Variants in ANO4 observed in about 807,000 individuals in gnomAD.
The protein encoded by ANO4 is anoctamin 4, also known as anoctamin-4.
A neutral mutation model predicts 141.9 loss-of-function variants in ANO4; 69 were observed. The ratio of observed to expected loss-of-function variants is 0.49; its 90% CI spans 0.40 to 0.59. The LOEUF (loss-of-function observed/expected upper bound fraction) is 0.59, where lower values mean the gene tolerates loss of function less well. Among genes scored for constraint, ANO4 ranks in the 20% least tolerant of loss-of-function variants. ANO4 has a pLI of 0.00. For missense variants in ANO4, 894 were observed against 1,162.2 expected, an observed-to-expected ratio of 0.77 and a Z score of 3.36; for synonymous variants, 350 against 394.3, an observed-to-expected ratio of 0.89 and a Z score of 1.33.
intron 1 of ANO4, among the ~76,000 whole-genome samples, chr12:100,847,246 A>G (rs1317995843): frequency 6.6e-6 from 1 of 152,204 alleles, no homozygotes; most frequent in African/African-American, 2.4e-5. Flanking sequence ...GAATGAATAC[A>G]TTTAATAAAC....
chr12:101,080,643 A>G (rs931838318), intron 15 of ANO4, among the ~76,000 whole-genome samples: 6 of 151,628 alleles, frequency 4.0e-5, no homozygotes, highest in African/African-American at 7.3e-5. Flanking sequence ...CCTGGCCAAT[A>G]TGGTGAAACC....
At chr12:100,865,031 T>C (rs150915155) in intron 1 of ANO4, among the ~76,000 whole-genome samples, 2 of 152,334 alleles carry the variant, frequency 1.3e-5, no homozygotes, top group East Asian at 1.9e-4. Context: ...CAGGCTATCA[T>C]TGATGGGCAT....
intron 14 of ANO4, among the ~76,000 whole-genome samples, chr12:101,073,257 T>G (rs1011510635): frequency 2.0e-5 from 3 of 148,476 alleles, no homozygotes; most frequent in African/African-American, 7.6e-5. Context: ...AAAGGATGAG[T>G]TCATGTCCTT....
chr12:101,086,867 G>A, intron 17 of ANO4, 43 bp downstream of exon 17: 1 of 1,596,406 alleles, frequency 6.3e-7, no homozygotes, highest in African/African-American at 1.3e-5. Context: ...CAAAATGTGT[G>A]GGCTGCAAGT....
At chr12:101,038,014 C>CA (rs1555284449) in intron 10 of ANO4, among the ~76,000 whole-genome samples, 1 of 151,718 alleles carries the variant, frequency 6.6e-6, no homozygotes, top group Non-Finnish European at 1.5e-5. Context: ...CCAAAACATA[C>CA]TTTTTTTTGG....
chr12:100,945,752 T>C (rs945878811), intron 5 of ANO4, among the ~76,000 whole-genome samples: 1 of 152,180 alleles, frequency 6.6e-6, no homozygotes, highest in Non-Finnish European at 1.5e-5. Flanking sequence ...ATGTGAAACA[T>C]TGGGGAAGAC....
chr12:100,884,476 T>G (rs2039728485), intron 1 of ANO4, among the ~76,000 whole-genome samples: 1 of 152,164 alleles, frequency 6.6e-6, no homozygotes, highest in African/African-American at 2.4e-5. Context: ...AGGGGCATTT[T>G]TGAGAATATT....
rs137859235 is a variant in ANO4, at chr12:101,015,596, C to T, written c.735-4438C>T. Among the ~76,000 whole-genome samples, 632 of 152,250 alleles carry T rather than the reference C, an allele frequency of 4.2e-3. 8 individuals are homozygous for T. The highest frequency in any genetic ancestry group is 0.013 in the African/African-American group (558 of 41,554). ...TGTTGTACATCTGTCACTTTGCACA[C>T]GGGTAAGTATATTTGTAGAATACAT... On this transcript the variant is annotated intron_variant, in intron 8 of 27. Transcript: ENST00000392977.
At chr12:101,019,143 C>A (rs1198462365) in intron 8 of ANO4, among the ~76,000 whole-genome samples, 1 of 152,102 alleles carries the variant, frequency 6.6e-6, no homozygotes, top group Non-Finnish European at 1.5e-5. Flanking sequence ...TATGCCTTTG[C>A]ATGATGTCCA....
intron 2 of ANO4, among the ~76,000 whole-genome samples, chr12:100,909,717 T>C (rs2041014964): frequency 6.6e-6 from 1 of 152,202 alleles, no homozygotes; most frequent in African/African-American, 2.4e-5. Flanking sequence ...AAGAGCATAA[T>C]GATAGGAACG....
chr12:100,883,863 G>A (rs879279384), intron 1 of ANO4, among the ~76,000 whole-genome samples: 2 of 152,104 alleles, frequency 1.3e-5, no homozygotes, highest in African/African-American at 2.4e-5. Flanking sequence ...AATAAGTAGG[G>A]GGTAAATTAT....
intron 1 of ANO4, among the ~76,000 whole-genome samples, chr12:100,808,616 T>A (rs192638956): frequency 6.5e-4 from 99 of 152,342 alleles, no homozygotes; most frequent in African/African-American, 2.3e-3. Context: ...ACGTATTTTT[T>A]AAAACATTAT....
chr12:100,866,306 A>G (rs183027677), intron 1 of ANO4, among the ~76,000 whole-genome samples: 75 of 152,310 alleles, frequency 4.9e-4, no homozygotes, highest in Admixed American at 2.2e-3. Flanking sequence ...TAAAGGAATA[A>G]TGGAAGGCAT....
chr12:100,747,838 A>G (rs2032182773), intron 3 of ANO4, among the ~76,000 whole-genome samples: 1 of 152,270 alleles, frequency 6.6e-6, no homozygotes, highest in South Asian at 2.1e-4. Flanking sequence ...GCACCACTGC[A>G]CTCCAGCCTG....
upstream of ANO4, chr12:100,717,392 G>C (rs2030644433): frequency 2.8e-6 from 1 of 352,708 alleles, no homozygotes; most frequent in Non-Finnish European, 5.1e-6. Flanking sequence ...GACTGGGCGT[G>C]CTCAGCCGCG....
intron 1 of ANO4, among the ~76,000 whole-genome samples, chr12:100,832,524 A>G (rs922483151): frequency 6.6e-6 from 1 of 152,116 alleles, no homozygotes; most frequent in South Asian, 2.1e-4. Flanking sequence ...CCATCACCTC[A>G]GGAGTCATTC....
chr12:101,017,224 G>A (rs977262764), intron 8 of ANO4, among the ~76,000 whole-genome samples: 8 of 152,184 alleles, frequency 5.3e-5, no homozygotes, highest in South Asian at 4.1e-4. Context: ...CACATCTTAC[G>A]TGTTGGCAGG....
At chr12:101,078,719 C>T (rs574926104) in intron 14 of ANO4, among the ~76,000 whole-genome samples, 1 of 152,284 alleles carries the variant, frequency 6.6e-6, no homozygotes, top group Non-Finnish European at 1.5e-5. Flanking sequence ...GACAGGAAAT[C>T]ACTATCAAAT....
At chr12:101,094,788 C>G (rs1347208842) in intron 18 of ANO4, among the ~76,000 whole-genome samples, 1 of 151,876 alleles carries the variant, frequency 6.6e-6, no homozygotes, top group East Asian at 1.9e-4. Flanking sequence ...GAGTTCAAGA[C>G]CAGCCTGGAT....
Sources: gnomAD v4.1 joint callset for allele counts (sites outside exome capture counted in the v4.1 genomes callset) on GRCh38, gnomAD v4.1.1 for gene constraint, MANE v1.5 for transcripts, NCBI Gene and HGNC (gene_info 2026-07-23, HGNC 2026-07-21) for gene names.